FHOD3: variants seen among roughly 807,000 people sequenced by gnomAD.
FHOD3 encodes the protein FH1/FH2 domain-containing protein 3.
A neutral mutation model predicts 173.0 loss-of-function variants in FHOD3; 90 were observed. The ratio of observed to expected loss-of-function variants is 0.52; its 90% CI spans 0.44 to 0.62. FHOD3 has a LOEUF of 0.62. Ranked by LOEUF, FHOD3 falls within the 20% of genes least tolerant of loss-of-function variation. The pLI is 0.00. For synonymous variants in FHOD3, 828 were observed against 823.0 expected (o/e 1.01, Z -0.10); for missense variants, 1,945 against 2,034.7 (o/e 0.96, Z 0.85).
intron 20 of FHOD3, among the ~76,000 whole-genome samples, chr18:36,731,460 A>G (rs1232251599): frequency 6.6e-6 from 1 of 152,156 alleles, no homozygotes. Context: ...TAATGAAAAG[A>G]GTGAGCAGAG....
In FHOD3 at chr18:36,687,268, T is replaced by C. The variant is rs574510354; in HGVS notation, c.2021+90T>C. The stretch of plus-strand genomic sequence containing the variant: ...TGCAGAGAGACTGTCGATTAAAATA[T>C]AACTGCTTCACCTAAAACCTTACAT... On this transcript the variant is annotated intron_variant, in intron 16 of 28. Transcript: ENST00000590592. 7.9e-5 allele frequency: 76 copies of C among 967,952 alleles called. No homozygotes were observed. In the South Asian group the frequency reaches 8.2e-4, roughly 10 times the overall value. The allele number at this position is 967,952 out of a possible 1,614,324, so 60.0% of individuals were successfully genotyped here. A position where few individuals can be genotyped will look rare whatever the true frequency, so the allele number is the denominator to read the frequency against.
intron 1 of FHOD3, among the ~76,000 whole-genome samples, chr18:36,350,563 A>G (rs1482391434): frequency 6.6e-6 from 1 of 152,182 alleles, no homozygotes; most frequent in Non-Finnish European, 1.5e-5. Flanking sequence ...ATCAGGGTTG[A>G]TATGAAAATT....
chr18:36,652,533 T>A (rs1270752381), intron 11 of FHOD3, 37 bp from the exon 12 acceptor site: 1 of 1,495,878 alleles, frequency 6.7e-7, no homozygotes, highest in African/African-American at 1.4e-5. Flanking sequence ...CCCAAATCTT[T>A]TTTTCTTCTT....
At chr18:36,546,792 G>A (rs1172147713) in intron 5 of FHOD3, among the ~76,000 whole-genome samples, 1 of 152,234 alleles carries the variant, frequency 6.6e-6, no homozygotes, top group East Asian at 1.9e-4. Flanking sequence ...AGCGTAGGCA[G>A]CGTGTGGAGT....
intron 3 of FHOD3, among the ~76,000 whole-genome samples, chr18:36,404,743 G>A (rs1435077676): frequency 6.6e-6 from 1 of 152,300 alleles, no homozygotes; most frequent in Admixed American, 6.5e-5. Flanking sequence ...CTGAGCAGTT[G>A]TGTGCTTGCG....
intron 19 of FHOD3, among the ~76,000 whole-genome samples, chr18:36,729,795 C>T (rs1447699516): frequency 6.6e-6 from 1 of 152,188 alleles, no homozygotes; most frequent in African/African-American, 2.4e-5. Context: ...CATAAACATT[C>T]AGCTTATAAC....
At chr18:36,426,622 C>T (rs2050259831) in intron 3 of FHOD3, among the ~76,000 whole-genome samples, 2 of 152,108 alleles carry the variant, frequency 1.3e-5, no homozygotes, top group Admixed American at 6.5e-5. Flanking sequence ...CCCAAAATAC[C>T]CCAAAAGCAG....
At chr18:36,389,215 A>AG (rs1294321598) in intron 3 of FHOD3, among the ~76,000 whole-genome samples, 2 of 152,214 alleles carry the variant, frequency 1.3e-5, no homozygotes, top group Non-Finnish European at 2.9e-5. Context: ...AAGAAGAGGA[A>AG]GTCAGAGTAG....
At chr18:36,306,463 G>A (rs552053448) in intron 1 of FHOD3, among the ~76,000 whole-genome samples, 10 of 152,306 alleles carry the variant, frequency 6.6e-5, no homozygotes, top group Middle Eastern at 3.4e-3. Flanking sequence ...GAGAGGAAAA[G>A]TTAGAACCAG....
chr18:36,732,638 C>T (rs548428218), intron 20 of FHOD3, among the ~76,000 whole-genome samples: 11 of 152,160 alleles, frequency 7.2e-5, no homozygotes, highest in South Asian at 2.1e-4. Flanking sequence ...TGAGGGCACA[C>T]GGCAGACCGG....
chr18:36,705,061 G>T (rs868699582), intron 17 of FHOD3, among the ~76,000 whole-genome samples: 16 of 152,100 alleles, frequency 1.1e-4, no homozygotes, highest in African/African-American at 2.7e-4. Flanking sequence ...TCCACAGCTC[G>T]CAGGCACACC....
At chr18:36,343,885 G>C (rs2045754321) in intron 1 of FHOD3, among the ~76,000 whole-genome samples, 1 of 152,102 alleles carries the variant, frequency 6.6e-6, no homozygotes, top group East Asian at 1.9e-4. Flanking sequence ...AATCTATAGA[G>C]ACAGAAAGGA....
At chr18:36,705,285 C>T (rs551037864) in intron 17 of FHOD3, among the ~76,000 whole-genome samples, 13 of 152,348 alleles carry the variant, frequency 8.5e-5, no homozygotes, top group South Asian at 2.1e-4. Flanking sequence ...TCATTCCCTC[C>T]GGCACGCAGT....
Position 36,709,126 on chromosome 18 carries a change from G to A in FHOD3, c.2268G>A (p.Glu756=). ...ASAGDPEPES[E]AEPEAEAGAG... is the part of the protein sequence containing the mutation. The stretch of plus-strand genomic sequence containing the variant: ...CCGGGGATCCTGAACCCGAATCAGA[G>A]GCAGAACCGGAAGCAGAGGCAGGGG... Residue 756 remains glutamate, a synonymous_variant, in exon 18 of 29, where the codon GAG becomes GAA. Transcript: ENST00000590592. 6.2e-7 allele frequency: 1 copy of A among 1,613,722 alleles called. No homozygotes were observed. The highest frequency in any genetic ancestry group is 1.7e-5 in the Admixed American group (1 of 60,014).
At chr18:36,725,701 A>G (rs960484318) in intron 19 of FHOD3, among the ~76,000 whole-genome samples, 1 of 152,160 alleles carries the variant, frequency 6.6e-6, no homozygotes, top group African/African-American at 2.4e-5. Flanking sequence ...GAGAAGGAAC[A>G]TGTCAGTCAA....
intron 1 of FHOD3, among the ~76,000 whole-genome samples, chr18:36,300,581 C>T (rs146384056): frequency 6.6e-6 from 1 of 152,150 alleles, no homozygotes; most frequent in East Asian, 1.9e-4. Context: ...TCTTCCGGGT[C>T]CCACAGAGCC....
At chr18:36,437,682 T>TTTTTTTTTTTAAA (rs71168224) in intron 3 of FHOD3, among the ~76,000 whole-genome samples, 3 of 129,616 alleles carry the variant, frequency 2.3e-5, no homozygotes, top group Non-Finnish European at 1.6e-5. Flanking sequence ...TTTTTTTTTT[T>TTTTTTTTTTTAAA]AAGACAGAGT....
intron 2 of FHOD3, among the ~76,000 whole-genome samples, chr18:36,362,366 A>C (rs2046668783): frequency 6.6e-6 from 1 of 152,198 alleles, no homozygotes; most frequent in African/African-American, 2.4e-5. Context: ...TGGAATGGAC[A>C]TGTGGCATTA....
intron 5 of FHOD3, among the ~76,000 whole-genome samples, chr18:36,553,958 A>T (rs957322090): frequency 6.6e-6 from 1 of 152,210 alleles, no homozygotes; most frequent in Non-Finnish European, 1.5e-5. Flanking sequence ...CACCAGTTAG[A>T]ATGGCGATCA....
Sources: gnomAD v4.1 joint callset for allele counts (sites outside exome capture counted in the v4.1 genomes callset) on GRCh38, gnomAD v4.1.1 for gene constraint, MANE v1.5 for transcripts, NCBI Gene and HGNC (gene_info 2026-07-23, HGNC 2026-07-21) for gene names.